The following SOX6 variants were observed in gnomAD, a reference collection of about 807,000 sequenced individuals.
SOX6 encodes the protein SRY-box transcription factor 6.
In SOX6, 11 loss-of-function variants were observed where a neutral mutation model predicts 97.8. The observed-to-expected ratio is 0.11, with a 90% CI of 0.07 to 0.19. SOX6 has a LOEUF of 0.19. SOX6 is among the 10% of genes least tolerant of loss of function. The probability of loss-of-function intolerance (pLI) is 1.00; values close to 1 mark genes in which losing one functional copy is unlikely to be tolerated. For synonymous variants in SOX6, 360 were observed against 371.4 expected (o/e 0.97, Z 0.35); for missense variants, 810 against 1,039.5 (o/e 0.78, Z 3.04).
At chr11:16,094,980 G>A (rs184410874) in intron 9 of SOX6, among the ~76,000 whole-genome samples, 29 of 151,888 alleles carry the variant, frequency 1.9e-4, no homozygotes, top group Admixed American at 7.9e-4. Flanking sequence ...CAGCAGAAAA[G>A]GTAACGTCAA....
rs1861213766 is a variant in SOX6 at position 16,529,767 on chromosome 11, A to G, written n.610-53379T>C. Among the ~76,000 whole-genome samples the G allele has an allele frequency of 2.0e-5, 3 of 151,988 alleles. No homozygotes were observed. In the South Asian group the frequency reaches 6.2e-4, roughly 31 times the overall value. ...GTTCATTCTCAGGTATCAGTGGACT[A>G]TTCTAGTTGGTGGCACTCAGACCCT... On this transcript the variant is annotated intron_variant and non_coding_transcript_variant, in intron 4 of 5. Transcript: ENST00000524520.
At chr11:16,089,229 T>C (rs1345644802) in intron 9 of SOX6, among the ~76,000 whole-genome samples, 1 of 152,156 alleles carries the variant, frequency 6.6e-6, no homozygotes, top group East Asian at 1.9e-4. Flanking sequence ...GAAATGCAAA[T>C]ACTTGGTTAA....
Position 16,033,042 on chromosome 11 carries a change from T to C in SOX6, c.1623+13472A>G, listed in dbSNP as rs561475297. On this transcript the variant is annotated intron_variant, in intron 12 of 15. Coordinates refer to ENST00000683767, the MANE Select transcript of SOX6 (RefSeq NM_001367873.1). ...CTATTGTCTGGTTCCTTTTCATGGATCTGTCTTACCTCCCAAATCAGACTA... is the reference window on the plus strand; with the variant it reads ...CTATTGTCTGGTTCCTTTTCATGGACCTGTCTTACCTCCCAAATCAGACTA... Among the ~76,000 whole-genome samples, 31 of 152,274 alleles carry C rather than the reference T, an allele frequency of 2.0e-4. No homozygotes were observed. The South Asian group carries it at 6.2e-3, about 31-fold the overall frequency.
chr11:16,506,054 G>T (rs567004622), intron 4 of SOX6, among the ~76,000 whole-genome samples: 15 of 152,332 alleles, frequency 9.8e-5, no homozygotes, highest in African/African-American at 3.4e-4. Flanking sequence ...GTCCCTGCTG[G>T]GGCATGGCCT....
chr11:16,455,215 C>A (rs1048016892), intron 1 of SOX6, among the ~76,000 whole-genome samples: 2 of 151,886 alleles, frequency 1.3e-5, no homozygotes, highest in South Asian at 2.1e-4. Flanking sequence ...TCTTTACTTC[C>A]TTTCAGTTTT....
intron 6 of SOX6, among the ~76,000 whole-genome samples, chr11:16,121,840 C>A (rs1364158191): frequency 2.0e-5 from 3 of 151,918 alleles, no homozygotes; most frequent in Non-Finnish European, 4.4e-5. Flanking sequence ...ATAAAACATG[C>A]TATGCAAAAG....
chr11:16,628,632 A>AG (rs1404964330), intron 3 of SOX6, among the ~76,000 whole-genome samples: 3 of 151,958 alleles, frequency 2.0e-5, no homozygotes, highest in Non-Finnish European at 4.4e-5. Flanking sequence ...AAAAAAAAAA[A>AG]AAAGAAAGAA....
intron 1 of SOX6, among the ~76,000 whole-genome samples, chr11:16,457,661 T>TATTTTCTATTA (rs1859835046): frequency 6.6e-6 from 1 of 152,090 alleles, no homozygotes; most frequent in African/African-American, 2.4e-5. Flanking sequence ...TATACTATGC[T>TATTTTCTATTA]TACTTAAAGC....
intron 12 of SOX6, among the ~76,000 whole-genome samples, chr11:16,015,671 C>T (rs928022274): frequency 6.6e-6 from 1 of 151,972 alleles, no homozygotes; most frequent in African/African-American, 2.4e-5. Context: ...AGGAGGGAAA[C>T]CCAGAGATGT....
At chr11:16,080,862 T>C (rs569136236) in intron 9 of SOX6, among the ~76,000 whole-genome samples, 3 of 152,224 alleles carry the variant, frequency 2.0e-5, no homozygotes, top group African/African-American at 4.8e-5. Flanking sequence ...AAGAGGCCCT[T>C]TGTTAACTAA....
chr11:16,353,432 A>G (rs1484516896), intron 1 of SOX6, among the ~76,000 whole-genome samples: 1 of 152,110 alleles, frequency 6.6e-6, no homozygotes, highest in Non-Finnish European at 1.5e-5. Flanking sequence ...GAATTCTTAT[A>G]AATTATAATT....
chr11:16,193,868 C>T (rs180886726), intron 4 of SOX6, among the ~76,000 whole-genome samples: 1 of 152,248 alleles, frequency 6.6e-6, no homozygotes, highest in Non-Finnish European at 1.5e-5. Flanking sequence ...AGCTGCATTG[C>T]TCTTTTCTAC....
intron 4 of SOX6, among the ~76,000 whole-genome samples, chr11:16,205,145 AT>A (rs1273848813): frequency 2.6e-5 from 4 of 152,162 alleles, no homozygotes; most frequent in Admixed American, 2.6e-4. Flanking sequence ...ATAGGAAAGT[AT>A]TTTGTGAGAC....
At chr11:16,649,811 T>A (rs1849067215) in intron 3 of SOX6, among the ~76,000 whole-genome samples, 1 of 152,138 alleles carries the variant, frequency 6.6e-6, no homozygotes, top group African/African-American at 2.4e-5. Flanking sequence ...GCCTAAATGT[T>A]CCACTTAAAA....
rs182689161 is a variant in SOX6, at chr11:16,119,143, C to G, written c.778-7220G>C. 2.8e-4 allele frequency among the ~76,000 whole-genome samples: 42 copies of G among 152,200 alleles called. No individual in the cohort carries two copies. The East Asian group carries it at 7.6e-3, about 27-fold the overall frequency. ...GCATAAAGTATTACCACTGTAAAAG[C>G]TGCACCATCTAAAGCAAAAGAAATG... On this transcript the variant is annotated intron_variant, in intron 6 of 15. Transcript: ENST00000683767.
intron 12 of SOX6, among the ~76,000 whole-genome samples, chr11:16,037,541 A>G (rs1277250703): frequency 1.3e-5 from 2 of 152,232 alleles, no homozygotes; most frequent in Admixed American, 1.3e-4. Flanking sequence ...TTTTAAATGC[A>G]TAATCCTGAG....
At chr11:16,189,390 C>G (rs1248047309) in intron 4 of SOX6, among the ~76,000 whole-genome samples, 8 of 151,578 alleles carry the variant, frequency 5.3e-5, no homozygotes, top group Non-Finnish European at 4.4e-5. Context: ...AAAGAAAACG[C>G]TATAGGCAAA....
intron 4 of SOX6, among the ~76,000 whole-genome samples, chr11:16,498,111 C>G (rs572382243): frequency 1.7e-4 from 26 of 152,230 alleles, no homozygotes; most frequent in Non-Finnish European, 8.8e-5. Flanking sequence ...AGACTAACAG[C>G]TGATCTCTTG....
chr11:16,509,977 C>T (rs538240592), intron 4 of SOX6, among the ~76,000 whole-genome samples: 124 of 152,110 alleles, frequency 8.2e-4, no homozygotes, highest in African/African-American at 2.7e-3. Context: ...GTGGCTTTTA[C>T]GAATATCTCT....
Sources: gnomAD v4.1 joint callset for allele counts (sites outside exome capture counted in the v4.1 genomes callset) on GRCh38, gnomAD v4.1.1 for gene constraint, MANE v1.5 for transcripts, NCBI Gene and HGNC (gene_info 2026-07-23, HGNC 2026-07-21) for gene names.